ATP2A1: variants seen among roughly 807,000 people sequenced by gnomAD.
ATP2A1 encodes the protein sarcoplasmic/endoplasmic reticulum calcium ATPase 1.
A neutral mutation model predicts 109.5 loss-of-function variants in ATP2A1; 83 were observed. The observed-to-expected ratio is 0.76, with a 90% CI of 0.63 to 0.91. ATP2A1 has a LOEUF of 0.91. Among genes scored for constraint, ATP2A1 ranks in the 40% least tolerant of loss-of-function variants. The pLI, the probability that ATP2A1 is intolerant of heterozygous loss-of-function variation, is 0.00. For synonymous variants in ATP2A1, 505 were observed against 537.6 expected, an observed-to-expected ratio of 0.94 and a Z score of 0.84; for missense variants, 1,101 against 1,341.0, an observed-to-expected ratio of 0.82 and a Z score of 2.80.
Position 28,903,686 on chromosome 16 carries a change from C to G in ATP2A1, c.2981-14C>G. Reference sequence around the variant, plus strand: ...TGCCTTGATAACAGTGCCTCTTGTCCTCTCTGGCCATAGGATAACTGTTCC... The same window carrying G: ...TGCCTTGATAACAGTGCCTCTTGTCGTCTCTGGCCATAGGATAACTGTTCC... On this transcript the variant is annotated splice_polypyrimidine_tract_variant and intron_variant, in intron 21 of 22. Coordinates refer to ENST00000395503, the MANE Select transcript of ATP2A1 (RefSeq NM_004320.6). The surrounding 1 kb of genome is among the most constrained non-coding windows in gnomAD (Gnocchi z 5.6). 1 of 1,612,658 alleles carries G rather than the reference C, an allele frequency of 6.2e-7. No individual in the cohort carries two copies. The highest frequency in any genetic ancestry group is 8.5e-7 in the Non-Finnish European group (1 of 1,178,800).
At position 28,887,185 on chromosome 16, in the gene ATP2A1, A is replaced by G. The variant is rs780598177; in HGVS notation, c.545-4A>G. ...CCGAAAACCCCTTGGCCCCTTCTCCACAGGCGAGTCTGTATCTGTCATCAA... is the reference window on the plus strand; with the variant it reads ...CCGAAAACCCCTTGGCCCCTTCTCCGCAGGCGAGTCTGTATCTGTCATCAA... On this transcript the variant is annotated splice_region_variant and splice_polypyrimidine_tract_variant and intron_variant, in intron 6 of 22. Coordinates refer to ENST00000395503, the MANE Select transcript of ATP2A1 (RefSeq NM_004320.6). The G allele has an allele frequency of 2.5e-6, 4 of 1,613,886 alleles. No individual in the cohort carries two copies. Among genetic ancestry groups the G allele is most frequent in the South Asian group, 1.1e-5 (1 of 91,060 alleles).
chr16:28,900,631 G>A lies in ATP2A1; in HGVS notation c.1815G>A (p.Lys605=), dbSNP rs1057522782. The change falls in exon 15 of 23, where the codon AAG becomes AAA. Residue 605 remains lysine (K), a synonymous_variant. Coordinates refer to ENST00000395503, the MANE Select transcript of ATP2A1 (RefSeq NM_004320.6). ...TGGGCATGCTGGACCCTCCGCGCAA[G>A]GAGGTCACGGGCTCCATCCAGCTGT... ...GVVGMLDPPR[K]EVTGSIQLCR... 3 of 1,598,168 alleles carry A rather than the reference G, an allele frequency of 1.9e-6. No homozygotes were observed. The highest frequency in any genetic ancestry group is 2.6e-6 in the Non-Finnish European group (3 of 1,169,658).
intron 8 of ATP2A1, 75 bp downstream of exon 8, chr16:28,887,797 CTTTTT>C (rs1000481694): frequency 2.7e-5 from 42 of 1,548,204 alleles, no homozygotes; most frequent in Middle Eastern, 3.5e-4. Flanking sequence ...CTTTTCTTTT[CTTTTT>C]TTCTTTTTTG....
intron 9 of ATP2A1, among the ~76,000 whole-genome samples, chr16:28,893,655 G>GTT (rs11304796): frequency 1.4e-3 from 156 of 111,976 alleles, no homozygotes; most frequent in Non-Finnish European, 2.4e-3. Context: ...GTTTTTTTTT[G>GTT]TTTTTTTTTT....
intron 6 of ATP2A1, among the ~76,000 whole-genome samples, chr16:28,885,726 G>T (rs767937324): frequency 7.3e-4 from 111 of 152,102 alleles, no homozygotes; most frequent in Middle Eastern, 3.4e-3. Flanking sequence ...CTACTCTCTA[G>T]ATAGCCACCA....
rs902786541 is a variant in ATP2A1 at position 28,883,580 on chromosome 16, G to A, written c.463+991G>A. Among the ~76,000 whole-genome samples, 3 of 152,170 alleles carry A rather than the reference G, an allele frequency of 2.0e-5. No homozygotes were observed. The highest frequency in any genetic ancestry group is 2.9e-5 in the Non-Finnish European group (2 of 68,020). On this transcript the variant is annotated intron_variant, in intron 5 of 22. Transcript: ENST00000395503. The surrounding 1 kb of genome is among the most constrained non-coding windows in gnomAD (Gnocchi z 5.2). ...CCAGTACCATCCGTGGGACCAGTGC[G>A]GAATTAGGCAGCGGCCCTGGGAGAT...
intron 9 of ATP2A1, among the ~76,000 whole-genome samples, chr16:28,893,781 C>T (rs1342940090): frequency 6.6e-6 from 1 of 151,422 alleles, no homozygotes; most frequent in Non-Finnish European, 1.5e-5. Context: ...TCCAGAGTAG[C>T]TGGGATTACA....
intron 6 of ATP2A1, 148 bp from the exon 7 acceptor site, chr16:28,887,041 T>A (rs1963633045): frequency 1.3e-6 from 1 of 743,378 alleles, no homozygotes; most frequent in Admixed American, 2.2e-5. Context: ...CTGCCTTCAG[T>A]GGCTTCTTCC....
intron 3 of ATP2A1, chr16:28,879,911 CG>C: frequency 1.2e-6 from 1 of 802,916 alleles, no homozygotes; most frequent in Non-Finnish European, 1.6e-6. Context: ...GGCTGCGGCG[CG>C]GGGGGCCACT....
intron 9 of ATP2A1, chr16:28,892,620 T>C (rs1034531131): frequency 1.3e-5 from 2 of 156,008 alleles, no homozygotes; most frequent in Admixed American, 6.5e-5. Flanking sequence ...TTCTCGGGAA[T>C]GAAAAGCCCA....
chr16:28,897,783 C>T (rs1963959042), intron 12 of ATP2A1, among the ~76,000 whole-genome samples: 1 of 152,162 alleles, frequency 6.6e-6, no homozygotes, highest in Admixed American at 6.6e-5. Flanking sequence ...AATGAAAGTT[C>T]TGTGGGACAG....
At position 28,883,997 on chromosome 16, in the gene ATP2A1, T is replaced by C. The variant is rs1203463260; in HGVS notation, c.464-578T>C. ...ACTCCTCTCCTGCCTTGCCCTCCAC[T>C]GTTCCTCTTGGTTGCCCTCGATTTT... On this transcript the variant is annotated intron_variant, in intron 5 of 22. Coordinates refer to ENST00000395503, the MANE Select transcript of ATP2A1 (RefSeq NM_004320.6). The surrounding 1 kb of genome is among the most constrained non-coding windows in gnomAD (Gnocchi z 5.2). Among the ~76,000 whole-genome samples the C allele has an allele frequency of 6.6e-6, 1 of 152,136 alleles. No individual in the cohort carries two copies.
In ATP2A1 at chr16:28,878,788, T is replaced by C. The variant is rs1963353739; in HGVS notation, c.117T>C (p.Asn39=). Residue 39 remains asparagine, a splice_region_variant and synonymous_variant, in exon 1 of 23, where the codon AAT becomes AAC. Coordinates refer to ENST00000395503, the MANE Select transcript of ATP2A1 (RefSeq NM_004320.6). ...GGAATCTGGAGAAATACGGCCTCAA[T>C]GGTAAGTGTCCCTTGGAAGAGCGGC... ...VKRNLEKYGL[N]ELPAEEGKTL... 1.2e-6 allele frequency: 2 copies of C among 1,613,930 alleles called. No homozygotes were observed. Among genetic ancestry groups the C allele is most frequent in the Non-Finnish European group, 1.7e-6 (2 of 1,179,856 alleles).
intron 6 of ATP2A1, among the ~76,000 whole-genome samples, chr16:28,885,265 A>C (rs1463432969): frequency 6.7e-5 from 10 of 149,210 alleles, no homozygotes; most frequent in Middle Eastern, 3.4e-3. Flanking sequence ...AAAAAAAAAA[A>C]GACAAAACAA....
rs1223538315 is a variant in ATP2A1, at chr16:28,898,995, CAA to C, written c.1764+548_1764+549del. On this transcript the variant is annotated intron_variant, in intron 14 of 22. Transcript: ENST00000395503. The surrounding 1 kb of genome is among the most constrained non-coding windows in gnomAD (Gnocchi z 4.0). ...AGGCCCTGTCTCTAAAAACAAAAAA[CAA>C]AAACACACACACACACACACAAAAG... Among the ~76,000 whole-genome samples, 2 of 151,250 alleles carry C rather than the reference CAA, an allele frequency of 1.3e-5. No homozygotes were observed. Among genetic ancestry groups the C allele is most frequent in the Non-Finnish European group, 2.9e-5 (2 of 67,914 alleles).
chr16:28,879,337 T>C, intron 2 of ATP2A1, 164 bp from the exon 3 acceptor site: 1 of 856,960 alleles, frequency 1.2e-6, no homozygotes. Flanking sequence ...TTGCCGAGTC[T>C]GTTTCTGGAC....
chr16:28,887,663 G>C lies in ATP2A1; in HGVS notation c.869G>C (p.Arg290Pro). ...NDPVHGGSWF[R>P]GAIYYFKIAV... Reference sequence around the variant, plus strand: ...CCCGTCCATGGGGGCTCCTGGTTCCGCGGGGCCATCTACTACTTTAAGATT... The same window carrying C: ...CCCGTCCATGGGGGCTCCTGGTTCCCCGGGGCCATCTACTACTTTAAGATT... The change falls in exon 8 of 23, where the codon CGC becomes CCC. Residue 290 changes from arginine to proline, a missense_variant. Arg to Pro is a moderately radical substitution (Grantham distance 103). Transcript: ENST00000395503. 6.2e-7 allele frequency: 1 copy of C among 1,614,158 alleles called. No individual in the cohort carries two copies. Among genetic ancestry groups the C allele is most frequent in the Non-Finnish European group, 8.5e-7 (1 of 1,180,042 alleles).
chr16:28,902,469 TGA>T lies in ATP2A1; in HGVS notation c.2524+87_2524+88del. 6.4e-7 allele frequency: 1 copy of T among 1,568,908 alleles called. No individual in the cohort carries two copies. ...GACACCAGCTCCCCCATGCAGGTGC[TGA>T]GAGGGTCTTCTTCCTTGGCCAGCCT... is the stretch of plus-strand genomic sequence containing the variant. On this transcript the variant is annotated intron_variant, in intron 17 of 22. Transcript: ENST00000395503. The surrounding 1 kb of genome is among the most constrained non-coding windows in gnomAD (Gnocchi z 4.8).
rs142994822 is a variant in ATP2A1 at position 28,898,999 on chromosome 16, AAC to A, written c.1764+566_1764+567del. 2.0e-5 allele frequency among the ~76,000 whole-genome samples: 3 copies of A among 150,580 alleles called. No individual in the cohort carries two copies. The highest frequency in any genetic ancestry group is 4.4e-5 in the Non-Finnish European group (3 of 67,550). On this transcript the variant is annotated intron_variant, in intron 14 of 22. Transcript: ENST00000395503. This position sits in a 1 kb window ranked among gnomAD's most constrained non-coding sequence, Gnocchi z 4.0. ...CCTGTCTCTAAAAACAAAAAACAAA[AAC>A]ACACACACACACACACAAAAGAGAG...
Sources: gnomAD v4.1 joint callset for allele counts (sites outside exome capture counted in the v4.1 genomes callset) on GRCh38, gnomAD v4.1.1 for gene constraint, Gnocchi (gnomAD v3.1) non-coding constraint, MANE v1.5 for transcripts, NCBI Gene and HGNC (gene_info 2026-07-23, HGNC 2026-07-21) for gene names.